ZNF560: variants seen among roughly 807,000 people sequenced by gnomAD.
ZNF560 encodes zinc finger protein 560.
ZNF560 carries 54 observed loss-of-function variants against 81.8 expected under a neutral mutation model. That is an observed-to-expected ratio of 0.66 (90% CI 0.53 to 0.83). The LOEUF (loss-of-function observed/expected upper bound fraction) is 0.83, where lower values mean the gene tolerates loss of function less well. Ranked by LOEUF, ZNF560 falls within the 40% of genes least tolerant of loss-of-function variation. ZNF560 has a pLI of 0.00. For missense variants in ZNF560, 940 were observed against 932.4 expected, an observed-to-expected ratio of 1.01 and a Z score of -0.11; for synonymous variants, 321 against 317.9, an observed-to-expected ratio of 1.01 and a Z score of -0.10.
At position 9,483,773 on chromosome 19, in the gene ZNF560, G is replaced by A. The variant is rs1255751946; in HGVS notation, c.-56-8404C>T. On this transcript the variant is annotated intron_variant, in intron 2 of 9. Coordinates refer to ENST00000301480, the MANE Select transcript of ZNF560 (RefSeq NM_152476.3). Reference sequence around the variant, plus strand: ...AAGTGAGGAGCCCCTCTGCCCGGCCGCCACCCCATCTGGGAGGTGTACCCA... The same window carrying A: ...AAGTGAGGAGCCCCTCTGCCCGGCCACCACCCCATCTGGGAGGTGTACCCA... Among the ~76,000 whole-genome samples the A allele has an allele frequency of 1.3e-4, 19 of 151,254 alleles. 1 individual carries two copies. Among genetic ancestry groups the A allele is most frequent in the Admixed American group, 3.9e-4 (6 of 15,254 alleles).
chr19:9,448,767 A>C, the ZNF560 span, among the ~76,000 whole-genome samples: 1 of 152,160 alleles, frequency 6.6e-6, no homozygotes, highest in Non-Finnish European at 1.5e-5. Context: ...CTGGATAAAA[A>C]CGACAAGTAC....
chr19:9,448,701 T>G, the ZNF560 span, among the ~76,000 whole-genome samples: 1 of 152,104 alleles, frequency 6.6e-6, no homozygotes, highest in African/African-American at 2.4e-5. Flanking sequence ...CATATCAATA[T>G]TAGCCTTGAA....
At chr19:9,494,732 G>A (rs771077611) in intron 2 of ZNF560, among the ~76,000 whole-genome samples, 11 of 150,544 alleles carry the variant, frequency 7.3e-5, no homozygotes, top group East Asian at 1.9e-4. Context: ...GCAAAACTCC[G>A]TCTCAAAACA....
upstream of ZNF560, among the ~76,000 whole-genome samples, chr19:9,500,741 A>AT (rs1174106597): frequency 2.6e-5 from 4 of 151,804 alleles, no homozygotes; most frequent in African/African-American, 4.8e-5. Flanking sequence ...CACCTGGCTA[A>AT]TTTTTTTGTA....
At chr19:9,451,239 C>T in the ZNF560 span, among the ~76,000 whole-genome samples, 4 of 152,190 alleles carry the variant, frequency 2.6e-5, no homozygotes, top group Non-Finnish European at 5.9e-5. Context: ...TACAAGCCTA[C>T]AGTAACCAAA....
At chr19:9,473,452 C>T (rs140385340) in intron 4 of ZNF560, among the ~76,000 whole-genome samples, 193 bp from the exon 5 acceptor site, 93 of 152,168 alleles carry the variant, frequency 6.1e-4, no homozygotes, top group African/African-American at 2.1e-3. Context: ...ATGGCGTGTG[C>T]CTATAATCCC....
At chr19:9,451,676 C>T in the ZNF560 span, among the ~76,000 whole-genome samples, 1 of 152,126 alleles carries the variant, frequency 6.6e-6, no homozygotes, top group African/African-American at 2.4e-5. Flanking sequence ...GAGAGTTAGA[C>T]AACCTACAAA....
At chr19:9,450,803 TACAGGCA>T in the ZNF560 span, among the ~76,000 whole-genome samples, 2 of 152,186 alleles carry the variant, frequency 1.3e-5, no homozygotes, top group African/African-American at 4.8e-5. Context: ...GTGCTGGGAT[TACAGGCA>T]TGAGCCACCA....
chr19:9,504,871 G>A, the ZNF560 span, among the ~76,000 whole-genome samples: 2 of 152,116 alleles, frequency 1.3e-5, no homozygotes, highest in Admixed American at 1.3e-4. Flanking sequence ...TGGATCACAA[G>A]GTCAAGAGAT....
chr19:9,472,206 G>T lies in ZNF560; in HGVS notation c.239-828C>A, dbSNP rs142103815. ...GGAAATGCAACGCCAAATACTGGAG[G>T]TGGGGCCTGGTGGGAGATGTTTGGA... is the stretch of plus-strand genomic sequence containing the variant. On this transcript the variant is annotated intron_variant, in intron 5 of 9. Transcript: ENST00000301480. Among the ~76,000 whole-genome samples the T allele has an allele frequency of 7.4e-4, 113 of 152,308 alleles. 1 individual carries two copies. The highest frequency in any genetic ancestry group is 3.4e-3 in the Middle Eastern group (1 of 294).
chr19:9,462,392 T>C (rs527635440), downstream of ZNF560, among the ~76,000 whole-genome samples: 4 of 152,348 alleles, frequency 2.6e-5, no homozygotes, highest in South Asian at 8.3e-4. Flanking sequence ...TTTGTTCTCC[T>C]TAAAGAATAC....
At chr19:9,475,423 G>T in intron 2 of ZNF560, 54 bp from the exon 3 acceptor site, 1 of 1,029,258 alleles carries the variant, frequency 9.7e-7, no homozygotes, top group South Asian at 1.4e-5. Context: ...TCCAACATTC[G>T]CATGCATGGA....
At chr19:9,455,296 A>C in the ZNF560 span, among the ~76,000 whole-genome samples, 4 of 152,234 alleles carry the variant, frequency 2.6e-5, no homozygotes, top group Admixed American at 2.6e-4. Context: ...ACCTCCAGTC[A>C]GATGATTCCC....
At chr19:9,482,635 ACCTCCC>A (rs1007773143) in intron 2 of ZNF560, among the ~76,000 whole-genome samples, 19 of 135,174 alleles carry the variant, frequency 1.4e-4, no homozygotes, top group African/African-American at 4.2e-4. Context: ...AAAAGAAAAG[ACCTCCC>A]CCTCCCCCTC....
At chr19:9,482,723 G>A (rs77688633) in intron 2 of ZNF560, among the ~76,000 whole-genome samples, 28 of 147,108 alleles carry the variant, frequency 1.9e-4, no homozygotes, top group Non-Finnish European at 2.3e-4. Context: ...GCCGAAGCTG[G>A]ACTGTACTGC....
the ZNF560 span, among the ~76,000 whole-genome samples, chr19:9,460,122 AG>A: frequency 6.6e-6 from 1 of 152,198 alleles, no homozygotes; most frequent in African/African-American, 2.4e-5. Flanking sequence ...GGTGCCATCG[AG>A]ATATCTAAAG....
At chr19:9,505,666 T>A in the ZNF560 span, among the ~76,000 whole-genome samples, 3 of 152,190 alleles carry the variant, frequency 2.0e-5, no homozygotes, top group African/African-American at 7.2e-5. Context: ...TCTCTTCTAA[T>A]TTTCATTGAT....
chr19:9,502,275 A>G (rs949251919), upstream of ZNF560, among the ~76,000 whole-genome samples: 1 of 152,024 alleles, frequency 6.6e-6, no homozygotes, highest in Non-Finnish European at 1.5e-5. Flanking sequence ...GTAGTGGCGC[A>G]ATGTCGGCTC....
chr19:9,489,395 C>T (rs1452856788), intron 2 of ZNF560, among the ~76,000 whole-genome samples: 5 of 152,050 alleles, frequency 3.3e-5, no homozygotes, highest in African/African-American at 9.6e-5. Context: ...TCCTCACTTC[C>T]CAGACGGTGT....
Sources: allele counts gnomAD v4.1 joint callset (sites outside exome capture counted in the v4.1 genomes callset), GRCh38; gene constraint gnomAD v4.1.1; transcripts MANE v1.5; gene names NCBI Gene and HGNC (gene_info 2026-07-23, HGNC 2026-07-21).